PALMD: variants seen among roughly 807,000 people sequenced by gnomAD.
PALMD encodes paralemmin-like protein.
A neutral mutation model predicts 56.2 loss-of-function variants in PALMD; 42 were observed. That is an observed-to-expected ratio of 0.75 (90% CI 0.58 to 0.97). PALMD has a LOEUF of 0.97. PALMD is among the 50% of genes least tolerant of loss of function. PALMD has a pLI of 0.00. For synonymous variants in PALMD, 242 were observed against 222.9 expected, an observed-to-expected ratio of 1.09 and a Z score of -0.76; for missense variants, 660 against 643.8, an observed-to-expected ratio of 1.03 and a Z score of -0.27.
At chr1:99,650,266 G>A (rs1346887507) in intron 1 of PALMD, among the ~76,000 whole-genome samples, 5 of 126,362 alleles carry the variant, frequency 4.0e-5, no homozygotes, top group Admixed American at 8.8e-5. Flanking sequence ...AGATTTTGCC[G>A]GCCAAAGCTG....
At chr1:99,676,960 A>G (rs1653226568) in intron 3 of PALMD, among the ~76,000 whole-genome samples, 1 of 152,338 alleles carries the variant, frequency 6.6e-6, no homozygotes, top group Non-Finnish European at 1.5e-5. Flanking sequence ...CACTGCAGTC[A>G]AGATAACTAA....
At chr1:99,660,619 T>G (rs1252598813) in intron 1 of PALMD, among the ~76,000 whole-genome samples, 1 of 149,660 alleles carries the variant, frequency 6.7e-6, no homozygotes, top group Non-Finnish European at 1.5e-5. Flanking sequence ...ATTCTCAAGA[T>G]CCATGCCTGT....
intron 1 of PALMD, among the ~76,000 whole-genome samples, chr1:99,657,540 C>T (rs531916677): frequency 4.7e-4 from 72 of 152,272 alleles, no homozygotes; most frequent in Admixed American, 2.8e-3. Context: ...TCTTCGTGTT[C>T]TCTCCTTTCC....
intron 3 of PALMD, among the ~76,000 whole-genome samples, chr1:99,671,268 TTTCTTTCC>T (rs1557670709): frequency 6.6e-6 from 1 of 152,008 alleles, no homozygotes; most frequent in African/African-American, 2.4e-5. Context: ...CCCATGAACC[TTTCTTTCC>T]TTCTACTTCT....
chr1:99,663,352 C>T (rs1255842277), intron 2 of PALMD, among the ~76,000 whole-genome samples: 1 of 152,064 alleles, frequency 6.6e-6, no homozygotes, highest in Non-Finnish European at 1.5e-5. Flanking sequence ...TGCTCCCCTT[C>T]CAATATGTCA....
intron 2 of PALMD, among the ~76,000 whole-genome samples, chr1:99,665,143 A>G (rs1299456298): frequency 6.6e-6 from 1 of 152,128 alleles, no homozygotes; most frequent in African/African-American, 2.4e-5. Context: ...AGTCCGTTCA[A>G]TTCAATCTAC....
At chr1:99,649,134 A>AT (rs1178224203) in intron 1 of PALMD, among the ~76,000 whole-genome samples, 1 of 152,188 alleles carries the variant, frequency 6.6e-6, no homozygotes, top group Non-Finnish European at 1.5e-5. Flanking sequence ...TATAGATTCT[A>AT]TTTTACACAA....
chr1:99,658,681 G>A (rs1042289230), intron 1 of PALMD, among the ~76,000 whole-genome samples: 2 of 152,090 alleles, frequency 1.3e-5, no homozygotes, highest in Non-Finnish European at 2.9e-5. Flanking sequence ...TGAGGCAGGA[G>A]AATGGCGTGA....
In PALMD at chr1:99,658,638, G is replaced by A. The variant is rs191540258; in HGVS notation, c.46-3681G>A. 2.2e-4 allele frequency among the ~76,000 whole-genome samples: 34 copies of A among 152,176 alleles called. 1 individual carries two copies. In the East Asian group the frequency reaches 6.4e-3, roughly 29 times the overall value. On this transcript the variant is annotated intron_variant, in intron 1 of 7. Coordinates refer to ENST00000263174, the MANE Select transcript of PALMD (RefSeq NM_017734.5). ...TACAAAAAATTAACCGCGTGTGGTG[G>A]CGGGCGCCTGTAGTCCCAGCTACTT...
intron 7 of PALMD, among the ~76,000 whole-genome samples, chr1:99,693,521 C>T (rs542127079): frequency 6.6e-6 from 1 of 152,208 alleles, no homozygotes; most frequent in Admixed American, 6.5e-5. Flanking sequence ...ATAACTTGTT[C>T]CTGTTGTTTC....
At chr1:99,658,739 C>A (rs1652783622) in intron 1 of PALMD, among the ~76,000 whole-genome samples, 1 of 151,806 alleles carries the variant, frequency 6.6e-6, no homozygotes, top group South Asian at 2.1e-4. Context: ...CCATTGCACT[C>A]CAGCCTGGGT....
chr1:99,674,203 C>G (rs969587491), intron 3 of PALMD, among the ~76,000 whole-genome samples: 1 of 152,044 alleles, frequency 6.6e-6, no homozygotes, highest in Non-Finnish European at 1.5e-5. Flanking sequence ...CTTGCTCATA[C>G]CTGCCAATCT....
chr1:99,658,737 C>T (rs935753692), intron 1 of PALMD, among the ~76,000 whole-genome samples: 2 of 151,764 alleles, frequency 1.3e-5, no homozygotes, highest in South Asian at 4.2e-4. Flanking sequence ...CACCATTGCA[C>T]TCCAGCCTGG....
At chr1:99,675,461 C>A (rs1470115414) in intron 3 of PALMD, among the ~76,000 whole-genome samples, 1 of 152,182 alleles carries the variant, frequency 6.6e-6, no homozygotes. Flanking sequence ...GTCCTGGCCA[C>A]AACAGTAGTT....
chr1:99,686,958 C>A lies in PALMD; in HGVS notation c.395C>A (p.Ala132Glu), dbSNP rs1432001532. The change falls in exon 5 of 8, where the codon GCA (alanine) becomes GAA (glutamate). Residue 132 changes from alanine (A) to glutamate (E), a missense_variant. Coordinates refer to ENST00000263174, the MANE Select transcript of PALMD (RefSeq NM_017734.5). ...RSVKVEREER[A>E]EESIEDIYAN... Reference sequence around the variant, plus strand: ...GTGAAAGTGGAAAGAGAAGAAAGAGCAGAAGGTATGTTTTTGAATAACTTA... The same window carrying A: ...GTGAAAGTGGAAAGAGAAGAAAGAGAAGAAGGTATGTTTTTGAATAACTTA... The A allele has an allele frequency of 6.3e-7, 1 of 1,578,636 alleles. No individual in the cohort carries two copies. The highest frequency in any genetic ancestry group is 1.1e-5 in the South Asian group (1 of 88,396).
chr1:99,648,808 T>G (rs1652500139), intron 1 of PALMD, among the ~76,000 whole-genome samples: 1 of 149,386 alleles, frequency 6.7e-6, no homozygotes, highest in Non-Finnish European at 1.5e-5. Context: ...TATTTTTCAC[T>G]GCAAAGAACT....
At position 99,667,784 on chromosome 1, in the gene PALMD, A is replaced by G. The variant is rs769735205; in HGVS notation, c.251+18A>G. ...ATCCTCAGGTATGGCCCTCACTGAG[A>G]TACTCCACAACTACCTTTATTTTGA... On this transcript the variant is annotated intron_variant, in intron 3 of 7. Coordinates refer to ENST00000263174, the MANE Select transcript of PALMD (RefSeq NM_017734.5). The G allele has an allele frequency of 2.5e-6, 4 of 1,608,570 alleles. No individual in the cohort carries two copies. The African/African-American group carries it at 4.0e-5, about 16-fold the overall frequency.
chr1:99,693,219 G>A (rs1443081484), intron 7 of PALMD, among the ~76,000 whole-genome samples: 1 of 152,166 alleles, frequency 6.6e-6, no homozygotes, highest in Non-Finnish European at 1.5e-5. Flanking sequence ...ACATGTGAAT[G>A]TAATATTAGA....
intron 3 of PALMD, among the ~76,000 whole-genome samples, chr1:99,682,079 A>C (rs761549431): frequency 6.6e-6 from 1 of 152,168 alleles, no homozygotes; most frequent in South Asian, 2.1e-4. Flanking sequence ...TATGCTTTCT[A>C]AGTCTCTCAT....
Sources: gnomAD v4.1 joint callset for allele counts (sites outside exome capture counted in the v4.1 genomes callset) on GRCh38, gnomAD v4.1.1 for gene constraint, MANE v1.5 for transcripts, NCBI Gene and HGNC (gene_info 2026-07-23, HGNC 2026-07-21) for gene names.